The following MAP2K5 variants were observed in gnomAD, a reference collection of about 807,000 sequenced individuals.
MAP2K5 encodes dual specificity mitogen-activated protein kinase kinase 5.
In MAP2K5, 49 loss-of-function variants were observed where a neutral mutation model predicts 83.1. The observed-to-expected ratio is 0.59, with a 90% CI of 0.47 to 0.75. The LOEUF is 0.75. Among genes scored for constraint, MAP2K5 ranks in the 30% least tolerant of loss-of-function variants. The probability of loss-of-function intolerance (pLI) is 0.00; values close to 1 mark genes in which losing one functional copy is unlikely to be tolerated. For missense variants in MAP2K5, 457 were observed against 557.5 expected (o/e 0.82, Z 1.82); for synonymous variants, 202 against 191.8 (o/e 1.05, Z -0.44).
intron 13 of MAP2K5, among the ~76,000 whole-genome samples, chr15:67,674,923 G>A (rs559093632): frequency 5.3e-5 from 8 of 152,224 alleles, no homozygotes; most frequent in African/African-American, 1.7e-4. Context: ...ATACCTATCA[G>A]AATGGCTAAA....
At position 67,794,715 on chromosome 15, in the gene MAP2K5, C is replaced by T. The variant is rs1250947309; in HGVS notation, c.1243-11931C>T. ...CCCAAAGTTTTGATGTTTTGATGTC[C>T]AGTGTCTAGCAATTTTTTCCTCTGT... On this transcript the variant is annotated intron_variant, in intron 21 of 21. Transcript: ENST00000178640. The surrounding 1 kb of genome is among the most constrained non-coding windows in gnomAD (Gnocchi z 4.6). 6.6e-6 allele frequency among the ~76,000 whole-genome samples: 1 copy of T among 151,102 alleles called. No individual in the cohort carries two copies. Among genetic ancestry groups the T allele is most frequent in the African/African-American group, 2.4e-5 (1 of 41,116 alleles).
chr15:67,631,987 C>T (rs1177987105), intron 9 of MAP2K5, among the ~76,000 whole-genome samples: 2 of 152,110 alleles, frequency 1.3e-5, no homozygotes, highest in African/African-American at 4.8e-5. Flanking sequence ...ATGCACTCTG[C>T]TTTACCAATC....
Position 67,579,154 on chromosome 15 carries a change from G to A in MAP2K5, c.253-1600G>A, listed in dbSNP as rs1462435388. On this transcript the variant is annotated intron_variant, in intron 3 of 21. Coordinates refer to ENST00000178640, the MANE Select transcript of MAP2K5 (RefSeq NM_145160.3). ...CTTGCAGCCTTCCAGAAGCAAGGGG[G>A]TACATGCTGTGGATCAATAACCGGC... Among the ~76,000 whole-genome samples, 4 of 152,130 alleles carry A rather than the reference G, an allele frequency of 2.6e-5. No individual in the cohort carries two copies. In the East Asian group the frequency reaches 7.7e-4, roughly 29 times the overall value.
intron 3 of MAP2K5, among the ~76,000 whole-genome samples, chr15:67,564,924 TAGTG>T (rs2084807991): frequency 6.6e-6 from 1 of 152,236 alleles, no homozygotes; most frequent in African/African-American, 2.4e-5. Context: ...TTGAAAATGT[TAGTG>T]GGTGTGGTCA....
At chr15:67,619,439 G>T (rs1765083576) in intron 8 of MAP2K5, among the ~76,000 whole-genome samples, 1 of 152,098 alleles carries the variant, frequency 6.6e-6, no homozygotes, top group Admixed American at 6.5e-5. Flanking sequence ...TTATTGCCTG[G>T]CAATCAGAGA....
chr15:67,797,464 T>G (rs2090624080), intron 21 of MAP2K5, among the ~76,000 whole-genome samples: 1 of 152,172 alleles, frequency 6.6e-6, no homozygotes, highest in Non-Finnish European at 1.5e-5. Flanking sequence ...GAAGCTTAAG[T>G]GGATAATTTC....
chr15:67,677,420 T>C lies in MAP2K5; in HGVS notation c.847+12775T>C, dbSNP rs1174793646. 6.6e-6 allele frequency among the ~76,000 whole-genome samples: 1 copy of C among 152,222 alleles called. No individual in the cohort carries two copies. The highest frequency in any genetic ancestry group is 1.5e-5 in the Non-Finnish European group (1 of 68,040). On this transcript the variant is annotated intron_variant, in intron 13 of 21. Coordinates refer to ENST00000178640, the MANE Select transcript of MAP2K5 (RefSeq NM_145160.3). This position sits in a 1 kb window ranked among gnomAD's most constrained non-coding sequence, Gnocchi z 4.2. ...ATAATGCACTTAGCCCAGTTCCTGGTATATATTAAGTGCCAAGTAAGTGTT... is the reference window on the plus strand; with the variant it reads ...ATAATGCACTTAGCCCAGTTCCTGGCATATATTAAGTGCCAAGTAAGTGTT...
intron 7 of MAP2K5, 112 bp from the exon 8 acceptor site, chr15:67,600,573 C>A: frequency 1.3e-6 from 1 of 748,642 alleles, no homozygotes. Context: ...GTTTTTGCAG[C>A]TGAACTTGAA....
intron 3 of MAP2K5, among the ~76,000 whole-genome samples, chr15:67,564,743 C>T (rs2084804968): frequency 6.6e-6 from 1 of 152,188 alleles, no homozygotes; most frequent in Admixed American, 6.5e-5. Flanking sequence ...GCTAACTCTC[C>T]TGAGAATGTG....
intron 16 of MAP2K5, among the ~76,000 whole-genome samples, chr15:67,715,685 C>T (rs1239464394): frequency 6.6e-6 from 1 of 152,100 alleles, no homozygotes; most frequent in African/African-American, 2.4e-5. Context: ...TAAAGAAAGA[C>T]AAAGCAGGCA....
intron 16 of MAP2K5, among the ~76,000 whole-genome samples, chr15:67,712,693 C>T (rs1268237054): frequency 1.3e-5 from 2 of 152,030 alleles, no homozygotes; most frequent in Admixed American, 1.3e-4. Context: ...CCGAGGCAGG[C>T]GGATCACGAG....
At chr15:67,681,836 A>G (rs927342927) in intron 13 of MAP2K5, among the ~76,000 whole-genome samples, 2 of 152,214 alleles carry the variant, frequency 1.3e-5, no homozygotes, top group Non-Finnish European at 2.9e-5. Context: ...GTTAAAATCA[A>G]TGCCCTAGTA....
At chr15:67,551,796 T>C (rs1174999606) in intron 2 of MAP2K5, among the ~76,000 whole-genome samples, 2 of 152,224 alleles carry the variant, frequency 1.3e-5, no homozygotes, top group African/African-American at 4.8e-5. Context: ...ATGCCTATTA[T>C]AATGGATTAA....
rs1474386220 is a variant in MAP2K5 at position 67,634,658 on chromosome 15, T to C, written c.585+3731T>C. On this transcript the variant is annotated intron_variant, in intron 9 of 21. Coordinates refer to ENST00000178640, the MANE Select transcript of MAP2K5 (RefSeq NM_145160.3). ...ATGTCCTCTTGATAAATCGGCCTCATTGACATTATGAAGTAACCTTCTTTG... is the reference window on the plus strand; with the variant it reads ...ATGTCCTCTTGATAAATCGGCCTCACTGACATTATGAAGTAACCTTCTTTG... 3.9e-5 allele frequency among the ~76,000 whole-genome samples: 6 copies of C among 152,200 alleles called. No individual in the cohort carries two copies. In the East Asian group the frequency reaches 1.2e-3, roughly 29 times the overall value.
In MAP2K5 at chr15:67,764,625, G is replaced by A. The variant is rs1388350385; in HGVS notation, c.1135-4977G>A. Among the ~76,000 whole-genome samples, 1 of 152,200 alleles carries A rather than the reference G, an allele frequency of 6.6e-6. No homozygotes were observed. The highest frequency in any genetic ancestry group is 6.5e-5 in the Admixed American group (1 of 15,270). On this transcript the variant is annotated intron_variant, in intron 19 of 21. Transcript: ENST00000178640. The surrounding 1 kb of genome is among the most constrained non-coding windows in gnomAD (Gnocchi z 4.9). ...GCCATTCCACAATGCCAGGCTCATT[G>A]CGTTCCACATGGTAGATGCCCACAA...
chr15:67,688,155 G>A (rs547378796), intron 13 of MAP2K5, among the ~76,000 whole-genome samples: 20 of 152,332 alleles, frequency 1.3e-4, no homozygotes, highest in South Asian at 2.1e-4. Flanking sequence ...GAGCCACAGC[G>A]CAAGAGCATA....
intron 1 of MAP2K5, chr15:67,549,018 A>G (rs1281532009): frequency 6.9e-7 from 1 of 1,448,496 alleles, no homozygotes; most frequent in Non-Finnish European, 9.0e-7. Flanking sequence ...CCACTCTGCT[A>G]AGTGCCCTGC....
intron 8 of MAP2K5, among the ~76,000 whole-genome samples, chr15:67,609,843 G>A (rs774008044): frequency 6.6e-6 from 1 of 152,058 alleles, no homozygotes; most frequent in Non-Finnish European, 1.5e-5. Flanking sequence ...AACCTTATAG[G>A]CAGAAGTAAC....
At chr15:67,597,640 T>G (rs1047832093) in intron 7 of MAP2K5, among the ~76,000 whole-genome samples, 4 of 152,242 alleles carry the variant, frequency 2.6e-5, no homozygotes, top group Admixed American at 1.3e-4. Flanking sequence ...AAAGTCGAAT[T>G]AATATCCTTA....
Sources: gnomAD v4.1 joint callset for allele counts (sites outside exome capture counted in the v4.1 genomes callset) on GRCh38, gnomAD v4.1.1 for gene constraint, Gnocchi (gnomAD v3.1) non-coding constraint, MANE v1.5 for transcripts, NCBI Gene and HGNC (gene_info 2026-07-23, HGNC 2026-07-21) for gene names.